The following HHIPL1 variants were observed in gnomAD, a reference collection of about 807,000 sequenced individuals.
HHIPL1 encodes HHIP-like protein 1.
HHIPL1 carries 43 observed loss-of-function variants against 61.8 expected under a neutral mutation model. The observed-to-expected ratio is 0.70, with a 90% CI of 0.55 to 0.90. The LOEUF (loss-of-function observed/expected upper bound fraction) is 0.90, where lower values mean the gene tolerates loss of function less well. Ranked by LOEUF, HHIPL1 falls within the 40% of genes least tolerant of loss-of-function variation. The pLI, the probability that HHIPL1 is intolerant of heterozygous loss-of-function variation, is 0.00. For missense variants in HHIPL1, 1,056 were observed against 1,157.7 expected, an observed-to-expected ratio of 0.91 and a Z score of 1.28; for synonymous variants, 482 against 515.8, an observed-to-expected ratio of 0.93 and a Z score of 0.89.
chr14:99,646,755 C>G (rs2055840313), intron 1 of HHIPL1, among the ~76,000 whole-genome samples: 1 of 150,876 alleles, frequency 6.6e-6, no homozygotes, highest in South Asian at 2.1e-4. Flanking sequence ...GCCTGGGCAA[C>G]AGAGCAAGAC....
rs115791555 is a variant in HHIPL1 at position 99,656,053 on chromosome 14, C to T, written c.903-947C>T. Among the ~76,000 whole-genome samples the T allele has an allele frequency of 3.9e-3, 590 of 152,320 alleles. 4 individuals are homozygous for T. Among genetic ancestry groups the T allele is most frequent in the African/African-American group, 0.013 (559 of 41,568 alleles). On this transcript the variant is annotated intron_variant, in intron 2 of 8. Coordinates refer to ENST00000330710, the MANE Select transcript of HHIPL1 (RefSeq NM_001127258.3). Reference sequence around the variant, plus strand: ...TATGGTGGTAGGTTTCCTGCAATGGCAGTAAGGGAGGTTCCTGAGTAGGGT... The same window carrying T: ...TATGGTGGTAGGTTTCCTGCAATGGTAGTAAGGGAGGTTCCTGAGTAGGGT...
At chr14:99,622,256 G>A in the HHIPL1 span, among the ~76,000 whole-genome samples, 1 of 152,122 alleles carries the variant, frequency 6.6e-6, no homozygotes, top group Non-Finnish European at 1.5e-5. Flanking sequence ...ATCCAGACTC[G>A]ATTGAAACAG....
chr14:99,614,116 A>C, the HHIPL1 span, among the ~76,000 whole-genome samples: 1 of 152,186 alleles, frequency 6.6e-6, no homozygotes, highest in Non-Finnish European at 1.5e-5. Flanking sequence ...CTGGATCAGG[A>C]CCGGAAAATA....
chr14:99,619,531 T>G, the HHIPL1 span, among the ~76,000 whole-genome samples: 1 of 151,776 alleles, frequency 6.6e-6, no homozygotes, highest in Non-Finnish European at 1.5e-5. Flanking sequence ...GCAGGGGTTC[T>G]CACACCTGCG....
chr14:99,637,407 A>G, the HHIPL1 span, among the ~76,000 whole-genome samples: 2 of 151,734 alleles, frequency 1.3e-5, no homozygotes. Context: ...ACTAAAACAA[A>G]AAACAAATAA....
chr14:99,647,304 G>A (rs73348543), intron 1 of HHIPL1, among the ~76,000 whole-genome samples: 4,448 of 152,254 alleles, frequency 0.029, 208 homozygotes, highest in African/African-American at 0.1. Flanking sequence ...CCAAGCGTCT[G>A]CCTCCCTCAC....
chr14:99,647,759 C>A (rs1176168347), intron 1 of HHIPL1, among the ~76,000 whole-genome samples: 7 of 152,158 alleles, frequency 4.6e-5, no homozygotes, highest in African/African-American at 1.7e-4. Context: ...GGTGGAGGTG[C>A]CTTATTCATA....
rs910632360 is a variant in HHIPL1 at position 99,668,562 on chromosome 14, C to T, written c.1730+259C>T. 4.6e-5 allele frequency among the ~76,000 whole-genome samples: 7 copies of T among 152,072 alleles called. No homozygotes were observed. Among genetic ancestry groups the T allele is most frequent in the African/African-American group, 1.4e-4 (6 of 41,410 alleles). On this transcript the variant is annotated intron_variant, in intron 7 of 8. Coordinates refer to ENST00000330710, the MANE Select transcript of HHIPL1 (RefSeq NM_001127258.3). This position sits in a 1 kb window ranked among gnomAD's most constrained non-coding sequence, Gnocchi z 4.7. The stretch of plus-strand genomic sequence containing the variant: ...GGAGCTGGAGAGGTGACTGGGGCCG[C>T]GGGCCGAGGCTTCACTTGGCTTTCT...
At chr14:99,661,514 C>CTGGA (rs1169352903) in intron 5 of HHIPL1, among the ~76,000 whole-genome samples, 1 of 151,748 alleles carries the variant, frequency 6.6e-6, no homozygotes, top group Non-Finnish European at 1.5e-5. Context: ...GTCACCCAGG[C>CTGGA]TGGAATGCAG....
At chr14:99,607,963 A>G in the HHIPL1 span, among the ~76,000 whole-genome samples, 1 of 152,202 alleles carries the variant, frequency 6.6e-6, no homozygotes, top group Non-Finnish European at 1.5e-5. Context: ...AAGTACTGCA[A>G]ATGAGAATGG....
chr14:99,633,411 A>G, the HHIPL1 span, among the ~76,000 whole-genome samples: 565 of 152,298 alleles, frequency 3.7e-3, 3 homozygotes, highest in African/African-American at 0.013. Flanking sequence ...AACTGAGCAG[A>G]GCTGTTTGTG....
At chr14:99,674,326 C>G (rs1408881527) in intron 8 of HHIPL1, among the ~76,000 whole-genome samples, 1 of 148,502 alleles carries the variant, frequency 6.7e-6, no homozygotes, top group Non-Finnish European at 1.5e-5. Flanking sequence ...AGGTCTATCC[C>G]TGTGGCTGAC....
the HHIPL1 span, among the ~76,000 whole-genome samples, chr14:99,607,810 GC>G: frequency 6.6e-6 from 1 of 152,074 alleles, no homozygotes; most frequent in Non-Finnish European, 1.5e-5. Context: ...GAAAAACAGA[GC>G]CCCAGAAGGG....
At chr14:99,655,248 G>T (rs1462822715) in intron 2 of HHIPL1, among the ~76,000 whole-genome samples, 1 of 152,206 alleles carries the variant, frequency 6.6e-6, no homozygotes, top group African/African-American at 2.4e-5. Flanking sequence ...AAGTCCTCCA[G>T]TCTTGGCTCT....
the HHIPL1 span, among the ~76,000 whole-genome samples, chr14:99,637,232 GAAAGAAAGAAAGAAAGAAAGAAAGA>G: frequency 6.8e-6 from 1 of 147,788 alleles, no homozygotes; most frequent in Non-Finnish European, 1.5e-5. Flanking sequence ...AAGAAAGAAA[GAAAGAAAGAAAGAAAGAAAGAAAGA>G]AAGAAAGAAA....
At chr14:99,640,874 C>CT (rs1178661799), upstream of HHIPL1, among the ~76,000 whole-genome samples, 91 of 93,934 alleles carry the variant, frequency 9.7e-4, no homozygotes, top group African/African-American at 3.3e-3. Context: ...TTTACTTCTT[C>CT]TTCTTTTTTT....
At chr14:99,609,253 C>T in the HHIPL1 span, among the ~76,000 whole-genome samples, 8 of 152,204 alleles carry the variant, frequency 5.3e-5, no homozygotes, top group African/African-American at 1.9e-4. Flanking sequence ...CTTGTCCTCT[C>T]AGAGCCCCAG....
At chr14:99,657,706 C>G (rs1170465811) in intron 3 of HHIPL1, among the ~76,000 whole-genome samples, 1 of 151,974 alleles carries the variant, frequency 6.6e-6, no homozygotes, top group African/African-American at 2.4e-5. Flanking sequence ...CACAAATATG[C>G]ATACACACAC....
At chr14:99,666,120 T>C (rs2056240814) in intron 6 of HHIPL1, among the ~76,000 whole-genome samples, 1 of 151,986 alleles carries the variant, frequency 6.6e-6, no homozygotes, top group South Asian at 2.1e-4. Flanking sequence ...CACAGAAAGG[T>C]TGGGGGAGAG....
Sources: gnomAD v4.1 joint callset for allele counts (sites outside exome capture counted in the v4.1 genomes callset) on GRCh38, gnomAD v4.1.1 for gene constraint, Gnocchi (gnomAD v3.1) non-coding constraint, MANE v1.5 for transcripts, NCBI Gene and HGNC (gene_info 2026-07-23, HGNC 2026-07-21) for gene names.